The following PGRMC2 variants were observed in gnomAD, a reference collection of about 807,000 sequenced individuals.
The protein encoded by PGRMC2 is membrane-associated progesterone receptor component 2.
In PGRMC2, 9 loss-of-function variants were observed where a neutral mutation model predicts 19.3. The observed-to-expected ratio is 0.47, with a 90% CI of 0.28 to 0.81. The LOEUF is 0.81. Among genes scored for constraint, PGRMC2 ranks in the 40% least tolerant of loss-of-function variants. The pLI is 0.11. For synonymous variants in PGRMC2, 157 were observed against 124.6 expected (o/e 1.26, Z -1.73); for missense variants, 289 against 297.3 (o/e 0.97, Z 0.21).
At chr4:128,278,111 G>A (rs1760839219) in intron 1 of PGRMC2, among the ~76,000 whole-genome samples, 1 of 152,180 alleles carries the variant, frequency 6.6e-6, no homozygotes, top group Admixed American at 6.5e-5. Context: ...AAAATTAAAA[G>A]CCCAGGCCCG....
At position 128,271,388 on chromosome 4, in the gene PGRMC2, G is replaced by A. The variant is rs753022376; in HGVS notation, c.600C>T (p.Leu200=). 62 of 1,598,768 alleles carry A rather than the reference G, an allele frequency of 3.9e-5. 2 individuals carry two copies. In the South Asian group the frequency reaches 6.6e-4, roughly 17 times the overall value. Residue 200 remains leucine, a synonymous_variant, in exon 3 of 3, where the codon CTC becomes CTT. Transcript: ENST00000296425. Reference sequence around the variant, plus strand: ...CTGATGGTTCTTCTCCTGGTTTTAGGAGTCTGCCTACATAATCATATTTTT... The same window carrying A: ...CTGATGGTTCTTCTCCTGGTTTTAGAAGTCTGCCTACATAATCATATTTTT... ...FKEKYDYVGR[L]LKPGEEPSEY...
intron 1 of PGRMC2, among the ~76,000 whole-genome samples, chr4:128,281,386 A>T (rs574105862): frequency 6.6e-6 from 1 of 152,218 alleles, no homozygotes; most frequent in East Asian, 1.9e-4. Context: ...TAAAATTCTT[A>T]TATTGTTCAG....
rs1208684171 is a variant in PGRMC2, at chr4:128,286,992, G to C, written c.418+381C>G. On this transcript the variant is annotated intron_variant, in intron 1 of 2. Transcript: ENST00000296425. ...CTTCCCTGGTGCCCCATCCATCCCA[G>C]GAATCAGGAGACTCAAAAAAGGTTA... 4 of 371,882 alleles carry C rather than the reference G, an allele frequency of 1.1e-5. No individual in the cohort carries two copies. In the East Asian group the frequency reaches 1.6e-4, roughly 15 times the overall value. 23.0% of individuals were successfully genotyped at this position (371,882 alleles called of 1,614,324 possible).
intron 1 of PGRMC2, chr4:128,272,992 T>G (rs1760756118): frequency 6.6e-6 from 1 of 152,222 alleles, no homozygotes; most frequent in Non-Finnish European, 1.5e-5. Flanking sequence ...CTTTCTGCTA[T>G]CCTTATGAAG....
At chr4:128,287,342 G>T (rs1475241753) in intron 1 of PGRMC2, 31 bp downstream of exon 1, 1 of 1,571,166 alleles carries the variant, frequency 6.4e-7, no homozygotes, top group Non-Finnish European at 8.7e-7. Flanking sequence ...CAGCTGCAGG[G>T]GGTCCTTCCC....
intron 1 of PGRMC2, among the ~76,000 whole-genome samples, chr4:128,280,838 G>A (rs999635497): frequency 1.3e-5 from 2 of 152,128 alleles, no homozygotes; most frequent in Admixed American, 1.3e-4. Flanking sequence ...GGCTCAAGCA[G>A]TCCTCCCACC....
intron 1 of PGRMC2, among the ~76,000 whole-genome samples, chr4:128,278,347 GA>G (rs1471944495): frequency 1.3e-5 from 2 of 152,172 alleles, no homozygotes; most frequent in East Asian, 3.9e-4. Context: ...AAGGCGGGTA[GA>G]TCACGAGGTC....
chr4:128,277,827 T>C (rs1205901676), intron 1 of PGRMC2, among the ~76,000 whole-genome samples: 3 of 152,222 alleles, frequency 2.0e-5, no homozygotes, highest in East Asian at 1.9e-4. Flanking sequence ...AGAAGACAGA[T>C]ACTTGGGTTC....
chr4:128,285,834 C>A (rs75314817), intron 1 of PGRMC2, among the ~76,000 whole-genome samples: 7,516 of 152,174 alleles, frequency 0.049, 634 homozygotes, highest in African/African-American at 0.17. Context: ...AATGTATTAA[C>A]CATTTCAGTT....
chr4:128,282,583 A>G (rs1760924493), intron 1 of PGRMC2, among the ~76,000 whole-genome samples: 2 of 152,240 alleles, frequency 1.3e-5, no homozygotes, highest in Admixed American at 1.3e-4. Context: ...AGCAGAATAT[A>G]AAAAATCATC....
At chr4:128,284,026 G>T (rs1760948696) in intron 1 of PGRMC2, among the ~76,000 whole-genome samples, 1 of 150,384 alleles carries the variant, frequency 6.6e-6, no homozygotes, top group African/African-American at 2.5e-5. Flanking sequence ...GGACAGTCTG[G>T]TCTCAAACTC....
At position 128,272,436 on chromosome 4, in the gene PGRMC2, T is replaced by C. The variant is rs200116082; in HGVS notation, c.500A>G (p.Asp167Gly). 34 of 1,591,910 alleles carry C rather than the reference T, an allele frequency of 2.1e-5. No individual in the cohort carries two copies. Among genetic ancestry groups the C allele is most frequent in the Non-Finnish European group, 2.7e-5 (32 of 1,170,134 alleles). ...CAAATCTGAGAGATCATCATATTCATCTCTAAGTGCATCTTTATCTAGGCA... is the reference window on the plus strand; with the variant it reads ...CAAATCTGAGAGATCATCATATTCACCTCTAAGTGCATCTTTATCTAGGCA... Reference protein sequence around the residue: ...TFCLDKDALRDEYDDLSDLNA... With the variant: ...TFCLDKDALRGEYDDLSDLNA... The change falls in exon 2 of 3, where the codon GAT becomes GGT. Residue 167 changes from aspartate to glycine, a missense_variant. By Grantham distance (94) the Asp-to-Gly change is moderately conservative. Coordinates refer to ENST00000296425, the MANE Select transcript of PGRMC2 (RefSeq NM_006320.6).
chr4:128,282,782 C>T (rs940108508), intron 1 of PGRMC2, among the ~76,000 whole-genome samples: 3 of 152,126 alleles, frequency 2.0e-5, no homozygotes, highest in African/African-American at 7.2e-5. Context: ...TCTGCAAACA[C>T]AGAGTTTCCA....
chr4:128,277,360 T>G (rs545927709), intron 1 of PGRMC2, among the ~76,000 whole-genome samples: 1 of 152,382 alleles, frequency 6.6e-6, no homozygotes, highest in African/African-American at 2.4e-5. Context: ...TGACATATTC[T>G]TGAAACAGCA....
chr4:128,272,294 G>A, intron 2 of PGRMC2, 68 bp downstream of exon 2: 1 of 956,510 alleles, frequency 1.0e-6, no homozygotes, highest in Non-Finnish European at 1.4e-6. Context: ...CTTAAAGCAT[G>A]TAAAATAGTA....
At chr4:128,283,399 T>C (rs1257718974) in intron 1 of PGRMC2, among the ~76,000 whole-genome samples, 1 of 152,146 alleles carries the variant, frequency 6.6e-6, no homozygotes, top group Non-Finnish European at 1.5e-5. Flanking sequence ...GAATCAGTGT[T>C]GTTTTCAACA....
chr4:128,283,501 A>C (rs1021174627), intron 1 of PGRMC2, among the ~76,000 whole-genome samples: 1 of 152,212 alleles, frequency 6.6e-6, no homozygotes, highest in African/African-American at 2.4e-5. Flanking sequence ...TACAAAGTGC[A>C]CTGTCCAAAA....
chr4:128,287,020 G>A, intron 1 of PGRMC2: 4 of 375,594 alleles, frequency 1.1e-5, no homozygotes, highest in Non-Finnish European at 1.9e-5. Flanking sequence ...AAAGGTTAAG[G>A]GCCAGCGTTG....
chr4:128,285,283 C>T (rs1306429036), intron 1 of PGRMC2, among the ~76,000 whole-genome samples: 2 of 152,112 alleles, frequency 1.3e-5, no homozygotes, highest in African/African-American at 2.4e-5. Flanking sequence ...CCCGCCACCA[C>T]GTCTAGCTGA....
Sources: gnomAD v4.1 joint callset for allele counts (sites outside exome capture counted in the v4.1 genomes callset) on GRCh38, gnomAD v4.1.1 for gene constraint, MANE v1.5 for transcripts, NCBI Gene and HGNC (gene_info 2026-07-23, HGNC 2026-07-21) for gene names.